N4BP1: variants seen among roughly 807,000 people sequenced by gnomAD.
N4BP1 encodes the protein NEDD4-binding protein 1.
N4BP1 carries 21 observed loss-of-function variants against 70.9 expected under a neutral mutation model. The observed-to-expected ratio is 0.30, with a 90% CI of 0.21 to 0.43. The LOEUF (loss-of-function observed/expected upper bound fraction) is 0.43, where lower values mean the gene tolerates loss of function less well. Ranked by LOEUF, N4BP1 falls within the 20% of genes least tolerant of loss-of-function variation. The pLI is 1.00. For synonymous variants in N4BP1, 387 were observed against 394.6 expected (o/e 0.98, Z 0.23); for missense variants, 936 against 1,069.4 (o/e 0.88, Z 1.74).
intron 3 of N4BP1, among the ~76,000 whole-genome samples, chr16:48,551,767 C>T (rs1363210917): frequency 2.0e-5 from 3 of 152,128 alleles, no homozygotes; most frequent in Admixed American, 6.5e-5. Flanking sequence ...GCCTGTAATC[C>T]CAGCACTTTG....
chr16:48,550,164 C>T (rs1340510602), intron 4 of N4BP1, among the ~76,000 whole-genome samples: 1 of 152,172 alleles, frequency 6.6e-6, no homozygotes, highest in Non-Finnish European at 1.5e-5. Flanking sequence ...TGCATGTCCC[C>T]AGAACCTACC....
intron 5 of N4BP1, 25 bp from the exon 6 acceptor site, chr16:48,546,279 T>G (rs777251339): frequency 6.5e-7 from 1 of 1,537,908 alleles, no homozygotes; most frequent in Non-Finnish European, 8.8e-7. Flanking sequence ...ACCATGAGGC[T>G]GAGAGACAGG....
At position 48,561,531 on chromosome 16, in the gene N4BP1, T is replaced by C. The variant is rs917419128; in HGVS notation, c.1112A>G (p.Tyr371Cys). The C allele has an allele frequency of 6.8e-6, 11 of 1,613,778 alleles. No homozygotes were observed. Among genetic ancestry groups the C allele is most frequent in the Non-Finnish European group, 9.3e-6 (11 of 1,179,860 alleles). The change falls in exon 2 of 7, where the codon TAT becomes TGT. Residue 371 changes from tyrosine (Y) to cysteine (C), a missense_variant. Physicochemically the swap from Tyr to Cys is radical, Grantham distance 194. Transcript: ENST00000262384. ...QEIVEKVIKV[Y>C]GPSTEPLLLL... ...CAATAATGGTTCAGTAGATGGTCCA[T>C]ACACCTTAATGACCTTTTCAACAAT...
At position 48,542,889 on chromosome 16, in the gene N4BP1, C is replaced by T. The variant is rs372613628; in HGVS notation, c.*15G>A. 27 of 1,583,008 alleles carry T rather than the reference C, an allele frequency of 1.7e-5. No homozygotes were observed. Among genetic ancestry groups the T allele is most frequent in the East Asian group, 1.1e-4 (5 of 44,388 alleles). On this transcript the variant is annotated 3_prime_UTR_variant, in exon 7 of 7. Coordinates refer to ENST00000262384, the MANE Select transcript of N4BP1 (RefSeq NM_153029.4). Reference sequence around the variant, plus strand: ...CAGCCAGCCCTGAGCGCAAGCTCAGCGCTCAGCACAATCTTCAATCCAACA... The same window carrying T: ...CAGCCAGCCCTGAGCGCAAGCTCAGTGCTCAGCACAATCTTCAATCCAACA...
intron 1 of N4BP1, among the ~76,000 whole-genome samples, chr16:48,587,796 G>A (rs1036737234): frequency 6.6e-6 from 1 of 152,282 alleles, no homozygotes; most frequent in East Asian, 1.9e-4. Flanking sequence ...CTCATGCTCA[G>A]GAAACTGGCC....
intron 4 of N4BP1, among the ~76,000 whole-genome samples, chr16:48,550,163 C>T (rs1963645457): frequency 6.6e-6 from 1 of 152,082 alleles, no homozygotes; most frequent in Non-Finnish European, 1.5e-5. Flanking sequence ...ATGCATGTCC[C>T]CAGAACCTAC....
chr16:48,583,674 TA>T (rs1181969924), intron 1 of N4BP1, among the ~76,000 whole-genome samples: 1 of 152,236 alleles, frequency 6.6e-6, no homozygotes, highest in Non-Finnish European at 1.5e-5. Context: ...TCTGTCAATT[TA>T]AAAAATAAAT....
intron 1 of N4BP1, among the ~76,000 whole-genome samples, chr16:48,591,742 T>C (rs1964342211): frequency 6.7e-6 from 1 of 150,004 alleles, no homozygotes; most frequent in South Asian, 2.1e-4. Flanking sequence ...GATGCCCACA[T>C]GAGAGAACTT....
chr16:48,577,288 T>C (rs572216949), intron 1 of N4BP1, among the ~76,000 whole-genome samples: 1 of 152,242 alleles, frequency 6.6e-6, no homozygotes, highest in South Asian at 2.1e-4. Flanking sequence ...AGATACTTCC[T>C]ACCTTTGACT....
chr16:48,546,049 T>G, intron 6 of N4BP1, 98 bp downstream of exon 6: 1 of 718,044 alleles, frequency 1.4e-6, no homozygotes, highest in Non-Finnish European at 2.2e-6. Context: ...AAATAATTTT[T>G]TTAATGTCAT....
At chr16:48,586,811 A>C (rs1964252583) in intron 1 of N4BP1, among the ~76,000 whole-genome samples, 1 of 152,204 alleles carries the variant, frequency 6.6e-6, no homozygotes, top group Non-Finnish European at 1.5e-5. Context: ...GTTTCTGTCA[A>C]ATCAAAGAGG....
At position 48,542,806 on chromosome 16, in the gene N4BP1, T is replaced by G; in HGVS notation, c.*98A>C. 1 of 1,128,412 alleles carries G rather than the reference T, an allele frequency of 8.9e-7. No homozygotes were observed. Among genetic ancestry groups the G allele is most frequent in the Non-Finnish European group, 1.2e-6 (1 of 813,646 alleles). 69.9% of individuals were successfully genotyped at this position (1,128,412 alleles called of 1,614,324 possible). A position where few individuals can be genotyped will look rare whatever the true frequency, so the allele number is the denominator to read the frequency against. On this transcript the variant is annotated 3_prime_UTR_variant, in exon 7 of 7. Transcript: ENST00000262384. ...GTACAACTGCGTTTACACTGGGAAA[T>G]AAGTTTCTTCACATTATGTTCATTC...
chr16:48,554,746 C>T (rs980763390), intron 2 of N4BP1, among the ~76,000 whole-genome samples: 1 of 152,232 alleles, frequency 6.6e-6, no homozygotes, highest in African/African-American at 2.4e-5. Flanking sequence ...AAATACTTCA[C>T]TTGAAAGTCC....
chr16:48,554,535 G>A (rs897952157), intron 2 of N4BP1, among the ~76,000 whole-genome samples: 3 of 152,126 alleles, frequency 2.0e-5, no homozygotes, highest in Non-Finnish European at 2.9e-5. Context: ...TTAAAATTCT[G>A]CAGGTGGTAA....
Position 48,585,608 on chromosome 16 carries a change from G to A in N4BP1, c.199-23164C>T, listed in dbSNP as rs551533636. On this transcript the variant is annotated intron_variant, in intron 1 of 6. Coordinates refer to ENST00000262384, the MANE Select transcript of N4BP1 (RefSeq NM_153029.4). ...GACTGGAGTGCAGTGGTGTGATCTC[G>A]GCTCACTGCAACCTCCACCTCCTGG... is the stretch of plus-strand genomic sequence containing the variant. Among the ~76,000 whole-genome samples, 30 of 148,572 alleles carry A rather than the reference G, an allele frequency of 2.0e-4. 1 individual carries two copies. In the Middle Eastern group the frequency reaches 0.011, roughly 53 times the overall value.
intron 1 of N4BP1, among the ~76,000 whole-genome samples, chr16:48,568,925 T>A (rs1214888780): frequency 2.0e-5 from 3 of 152,260 alleles, no homozygotes; most frequent in Non-Finnish European, 4.4e-5. Context: ...CATGTTTATA[T>A]CTTTTGCCAA....
Position 48,562,013 on chromosome 16 carries a change from A to G in N4BP1, c.630T>C (p.Ser210=), listed in dbSNP as rs760766417. ...GDDEVIEMRD[S]QQTEFTQNAA... ...CATTCTGTGTAAACTCTGTTTGTTG[A>G]GAATCTCTCATTTCAATAACCTCAT... Residue 210 remains serine, a synonymous_variant, in exon 2 of 7, where the codon TCT becomes TCC. Coordinates refer to ENST00000262384, the MANE Select transcript of N4BP1 (RefSeq NM_153029.4). The G allele has an allele frequency of 6.2e-7, 1 of 1,613,918 alleles. No individual in the cohort carries two copies. Among genetic ancestry groups the G allele is most frequent in the East Asian group, 2.2e-5 (1 of 44,878 alleles).
intron 2 of N4BP1, among the ~76,000 whole-genome samples, chr16:48,560,125 G>C (rs768779622): frequency 1.2e-4 from 19 of 152,072 alleles, no homozygotes; most frequent in Admixed American, 3.3e-4. Flanking sequence ...AAGCGTACAG[G>C]TTTCAAATCA....
intron 1 of N4BP1, among the ~76,000 whole-genome samples, chr16:48,593,964 T>C (rs531241237): frequency 1.6e-5 from 2 of 126,938 alleles, no homozygotes; most frequent in East Asian, 4.6e-4. Context: ...ATCATGCCAC[T>C]GCACTCCAGC....
Sources: allele counts gnomAD v4.1 joint callset (sites outside exome capture counted in the v4.1 genomes callset), GRCh38; gene constraint gnomAD v4.1.1; transcripts MANE v1.5; gene names NCBI Gene and HGNC (gene_info 2026-07-23, HGNC 2026-07-21).